HLA-DMB: variants seen among roughly 807,000 people sequenced by gnomAD.
HLA-DMB encodes the protein HLA class II histocompatibility antigen, DM beta chain.
Under a neutral mutation model 29.3 loss-of-function variants are expected in HLA-DMB, and 18 were observed. That is an observed-to-expected ratio of 0.62 (90% CI 0.43 to 0.91). The LOEUF (loss-of-function observed/expected upper bound fraction) is 0.91, where lower values mean the gene tolerates loss of function less well. Ranked by LOEUF, HLA-DMB falls within the 40% of genes least tolerant of loss-of-function variation. The pLI is 0.00. For synonymous variants in HLA-DMB, 143 were observed against 128.7 expected, an observed-to-expected ratio of 1.11 and a Z score of -0.75; for missense variants, 258 against 320.9, an observed-to-expected ratio of 0.80 and a Z score of 1.50.
rs1775910755 is a variant in HLA-DMB at position 32,934,930 on chromosome 6, A to G, written c.*41T>C. ...GGCATGGTAGCATCATTGAGTTTGA[A>G]TCTCCTTCTCACTTGGAGTGGAAGT... On this transcript the variant is annotated 3_prime_UTR_variant, in exon 6 of 6. Coordinates refer to ENST00000418107, the MANE Select transcript of HLA-DMB (RefSeq NM_002118.5). 1.3e-6 allele frequency: 2 copies of G among 1,597,964 alleles called. No individual in the cohort carries two copies. Among genetic ancestry groups the G allele is most frequent in the African/African-American group, 1.3e-5 (1 of 74,600 alleles).
Position 32,940,773 on chromosome 6 carries a change from C to T in HLA-DMB, c.35G>A (p.Ser12Asn). Residue 12 changes from serine to asparagine, a missense_variant, in exon 1 of 6, where the codon AGC becomes AAC. Transcript: ENST00000418107. ...ITFLPLLLGL[S>N]LGCTGAGGFV... ...CTTACCTGCTCCTGTGCAGCCCAGG[C>T]TGAGCCCCAGCAGCAGCGGCAGGAA... 1.2e-6 allele frequency: 2 copies of T among 1,606,300 alleles called. No individual in the cohort carries two copies. Among genetic ancestry groups the T allele is most frequent in the Non-Finnish European group, 1.7e-6 (2 of 1,177,002 alleles).
chr6:32,939,035 TAAATAATAAATATACAC>T (rs1397436862), intron 1 of HLA-DMB, 70 bp from the exon 2 acceptor site: 2 of 888,416 alleles, frequency 2.3e-6, no homozygotes, highest in Non-Finnish European at 3.0e-6. Flanking sequence ...AATAAATATA[TAAATAATAAATATACAC>T]AAATAATAAA....
At position 32,934,723 on chromosome 6, in the gene HLA-DMB, T is replaced by C. The variant is rs1016480262; in HGVS notation, c.*248A>G. ...AGCCCCAGGAGGGTCTTTAACTCCC[T>C]TCCTCAGATTATATTCATCCCAGAA... On this transcript the variant is annotated 3_prime_UTR_variant, in exon 6 of 6. Coordinates refer to ENST00000418107, the MANE Select transcript of HLA-DMB (RefSeq NM_002118.5). 1.2e-5 allele frequency: 7 copies of C among 567,504 alleles called. No individual in the cohort carries two copies. Among genetic ancestry groups the C allele is most frequent in the Non-Finnish European group, 2.2e-5 (7 of 320,006 alleles). 35.2% of individuals were successfully genotyped at this position (567,504 alleles called of 1,614,324 possible). A position where few individuals can be genotyped will look rare whatever the true frequency, so the allele number is the denominator to read the frequency against.
chr6:32,939,729 AATT>A (rs1431561805), intron 1 of HLA-DMB, among the ~76,000 whole-genome samples: 4 of 152,342 alleles, frequency 2.6e-5, no homozygotes, highest in Non-Finnish European at 4.4e-5. Flanking sequence ...GAATATTTAT[AATT>A]ATTATTATCA....
intron 1 of HLA-DMB, 85 bp from the exon 2 acceptor site, chr6:32,939,050 C>T (rs936910735): frequency 2.6e-5 from 22 of 842,984 alleles, no homozygotes; most frequent in Non-Finnish European, 3.4e-5. Context: ...AATAAATATA[C>T]ACAAATAATA....
intron 2 of HLA-DMB, 193 bp downstream of exon 2, chr6:32,938,491 T>C (rs970394012): frequency 1.2e-5 from 6 of 484,000 alleles, no homozygotes; most frequent in Non-Finnish European, 2.0e-5. Context: ...TCCCCTTCTT[T>C]ACTCCTGTTC....
intron 4 of HLA-DMB, 55 bp from the exon 5 acceptor site, chr6:32,935,432 A>G: frequency 6.6e-7 from 1 of 1,523,910 alleles, no homozygotes; most frequent in Non-Finnish European, 9.1e-7. Flanking sequence ...AATATCTAGC[A>G]GTATTCATAG....
chr6:32,937,042 A>G lies in HLA-DMB; in HGVS notation c.622+130T>C, dbSNP rs1186893711. On this transcript the variant is annotated intron_variant, in intron 3 of 5. Transcript: ENST00000418107. This position sits in a 1 kb window ranked among gnomAD's most constrained non-coding sequence, Gnocchi z 4.1. ...ATCCCATTTCCCCATTCTGGTCCTA[A>G]GCCCCCCGTAAGTTCCTCCAGACTC... 6.0e-6 allele frequency: 4 copies of G among 669,468 alleles called. No individual in the cohort carries two copies. The highest frequency in any genetic ancestry group is 9.7e-6 in the Non-Finnish European group (4 of 413,634). The allele number at this position is 669,468 out of a possible 1,614,324, so 41.5% of individuals were successfully genotyped here.
Position 32,940,719 on chromosome 6 carries a change from G to C in HLA-DMB, c.55+34C>G, listed in dbSNP as rs1352619649. 3 of 1,570,274 alleles carry C rather than the reference G, an allele frequency of 1.9e-6. No individual in the cohort carries two copies. The Admixed American group carries it at 5.3e-5, about 28-fold the overall frequency. On this transcript the variant is annotated intron_variant, in intron 1 of 5. Transcript: ENST00000418107. ...CACCCTTACCCTGAAACAGGAGCAG[G>C]GGAAGGGAGAGTCCCCAGAAGAAGT...
At chr6:32,935,100 C>A in intron 5 of HLA-DMB, 113 bp from the exon 6 acceptor site, 3 of 1,224,850 alleles carry the variant, frequency 2.4e-6, no homozygotes, top group East Asian at 2.5e-5. Context: ...TCCAGGGCAC[C>A]AACAACTAAT....
At chr6:32,936,885 C>T (rs751351622) in intron 3 of HLA-DMB, 45 of 312,542 alleles carry the variant, frequency 1.4e-4, no homozygotes, top group Non-Finnish European at 2.3e-4. Flanking sequence ...GCAACATCAG[C>T]CACACCACCA....
chr6:32,938,708 A>C lies in HLA-DMB; in HGVS notation c.313T>G (p.Trp105Gly). 1 of 1,538,210 alleles carries C rather than the reference A, an allele frequency of 6.5e-7. No individual in the cohort carries two copies. The highest frequency in any genetic ancestry group is 1.2e-5 in the South Asian group (1 of 80,890). The change falls in exon 2 of 6, where the codon TGG becomes GGG. Residue 105 changes from tryptophan (W) to glycine (G), a missense_variant. Trp to Gly is a radical substitution (Grantham distance 184). Coordinates refer to ENST00000418107, the MANE Select transcript of HLA-DMB (RefSeq NM_002118.5). ...CGTGTCCTGTTGGTCAGTGATCCCC[A>C]GAAGGGCTGGGTGTGTGTGGCACAA... is the stretch of plus-strand genomic sequence containing the variant. ...QNCATHTQPF[W>G]GSLTNRTRPP...
chr6:32,935,191 C>A, intron 5 of HLA-DMB, 151 bp downstream of exon 5: 1 of 828,102 alleles, frequency 1.2e-6, no homozygotes. Context: ...GCTCTTAATC[C>A]TAGCAATGGC....
intron 5 of HLA-DMB, 143 bp downstream of exon 5, chr6:32,935,199 G>A: frequency 1.2e-6 from 1 of 840,134 alleles, no homozygotes; most frequent in Non-Finnish European, 2.0e-6. Context: ...TCCTAGCAAT[G>A]GCAGCTTAAA....
In HLA-DMB at chr6:32,940,784, C is replaced by T. The variant is rs766663614; in HGVS notation, c.24G>A (p.Leu8=). 2.5e-6 allele frequency: 4 copies of T among 1,604,392 alleles called. No homozygotes were observed. The highest frequency in any genetic ancestry group is 3.4e-6 in the Non-Finnish European group (4 of 1,176,060). ...CTGTGCAGCCCAGGCTGAGCCCCAGCAGCAGCGGCAGGAATGTGATCATGC... is the reference window on the plus strand; with the variant it reads ...CTGTGCAGCCCAGGCTGAGCCCCAGTAGCAGCGGCAGGAATGTGATCATGC... MITFLPL[L]LGLSLGCTGA... Residue 8 remains leucine, a synonymous_variant, in exon 1 of 6, where the codon CTG becomes CTA. Coordinates refer to ENST00000418107, the MANE Select transcript of HLA-DMB (RefSeq NM_002118.5).
chr6:32,935,293 G>C lies in HLA-DMB; in HGVS notation c.775+49C>G, dbSNP rs374827604. ...AACCCAACACTGACCCCTCTAACCC[G>C]CACCCCTACCAAAGGGCAAGTAGGG... On this transcript the variant is annotated intron_variant, in intron 5 of 5. Coordinates refer to ENST00000418107, the MANE Select transcript of HLA-DMB (RefSeq NM_002118.5). 2.0e-6 allele frequency: 3 copies of C among 1,484,394 alleles called. No individual in the cohort carries two copies. The South Asian group carries it at 3.4e-5, about 17-fold the overall frequency. The allele number at this position is 1,484,394 out of a possible 1,614,324, so 92.0% of individuals were successfully genotyped here.
chr6:32,940,662 T>C (rs1776303505), intron 1 of HLA-DMB, 91 bp downstream of exon 1: 1 of 885,700 alleles, frequency 1.1e-6, no homozygotes, highest in Admixed American at 2.3e-5. Context: ...AGACAAACTA[T>C]CTGGGGTGTC....
chr6:32,935,028 A>C lies in HLA-DMB; in HGVS notation c.776-41T>G, dbSNP rs756204048. The C allele has an allele frequency of 1.9e-6, 3 of 1,611,436 alleles. No homozygotes were observed. In the Admixed American group the frequency reaches 5.0e-5, roughly 27 times the overall value. On this transcript the variant is annotated intron_variant, in intron 5 of 5. Coordinates refer to ENST00000418107, the MANE Select transcript of HLA-DMB (RefSeq NM_002118.5). ...AAGGGAGATAATGAGGCTTCAACCC[A>C]ACTTGCCCCCATCGTTTGTCACTGT...
Position 32,934,835 on chromosome 6 carries a change from G to A in HLA-DMB, c.*136C>T. 1 of 938,856 alleles carries A rather than the reference G, an allele frequency of 1.1e-6. No homozygotes were observed. The highest frequency in any genetic ancestry group is 1.7e-6 in the Non-Finnish European group (1 of 603,186). The allele number at this position is 938,856 out of a possible 1,614,324, so 58.2% of individuals were successfully genotyped here. ...CTAAGTTTTACATAGGGGAGACTGGGAAATTCAAAGAATTGGATGGAGAAA... is the reference window on the plus strand; with the variant it reads ...CTAAGTTTTACATAGGGGAGACTGGAAAATTCAAAGAATTGGATGGAGAAA... On this transcript the variant is annotated 3_prime_UTR_variant, in exon 6 of 6. Coordinates refer to ENST00000418107, the MANE Select transcript of HLA-DMB (RefSeq NM_002118.5).
Sources: gnomAD v4.1 joint callset for allele counts (sites outside exome capture counted in the v4.1 genomes callset) on GRCh38, gnomAD v4.1.1 for gene constraint, Gnocchi (gnomAD v3.1) non-coding constraint, MANE v1.5 for transcripts, NCBI Gene and HGNC (gene_info 2026-07-23, HGNC 2026-07-21) for gene names.